Variants in LRP1B observed in about 807,000 individuals in gnomAD.
LRP1B encodes low-density lipoprotein receptor-related protein 1B.
Under a neutral mutation model 556.6 loss-of-function variants are expected in LRP1B, and 217 were observed. The ratio of observed to expected loss-of-function variants is 0.39; its 90% CI spans 0.35 to 0.44. LRP1B has a LOEUF of 0.44. LRP1B is among the 20% of genes least tolerant of loss of function. The pLI is 1.00. For missense variants in LRP1B, 5,053 were observed against 5,620.8 expected, an observed-to-expected ratio of 0.90 and a Z score of 3.23; for synonymous variants, 2,047 against 1,865.8, an observed-to-expected ratio of 1.10 and a Z score of -2.50.
chr2:140,634,876 A>G (rs1042992678), intron 41 of LRP1B, among the ~76,000 whole-genome samples: 4 of 152,132 alleles, frequency 2.6e-5, no homozygotes, highest in Non-Finnish European at 5.9e-5. Flanking sequence ...TGTATCCTGG[A>G]TGGAATCCTG....
rs140013135 is a variant in LRP1B, at chr2:142,014,019, A to G, written c.82+116629T>C. 1.5e-3 allele frequency among the ~76,000 whole-genome samples: 234 copies of G among 152,318 alleles called. 1 individual carries two copies. The highest frequency in any genetic ancestry group is 5.4e-3 in the African/African-American group (224 of 41,562). On this transcript the variant is annotated intron_variant, in intron 1 of 90. Transcript: ENST00000389484. ...ATAATAATGTTGATTCTTGCAATAT[A>G]TAGTAATTAAGAAAATTAATCCTTT...
chr2:140,428,519 C>A (rs945643354), intron 66 of LRP1B, among the ~76,000 whole-genome samples: 8 of 152,162 alleles, frequency 5.3e-5, no homozygotes, highest in Non-Finnish European at 7.3e-5. Flanking sequence ...TCGGACTGTT[C>A]AACTCACCTG....
intron 63 of LRP1B, among the ~76,000 whole-genome samples, chr2:140,450,266 T>C (rs1686830371): frequency 6.6e-6 from 1 of 152,142 alleles, no homozygotes; most frequent in African/African-American, 2.4e-5. Flanking sequence ...TAATGATGCT[T>C]ATTACCCTAC....
intron 1 of LRP1B, among the ~76,000 whole-genome samples, chr2:141,936,474 G>A (rs1700638795): frequency 6.6e-6 from 1 of 152,170 alleles, no homozygotes; most frequent in African/African-American, 2.4e-5. Context: ...AGGAAAGCAT[G>A]AGAATGTGCC....
chr2:141,532,313 G>A (rs538769684), intron 2 of LRP1B, among the ~76,000 whole-genome samples: 12 of 134,538 alleles, frequency 8.9e-5, no homozygotes, highest in African/African-American at 2.8e-4. Context: ...GTATTACATT[G>A]TATGAACTTA....
Position 141,007,329 on chromosome 2 carries a change from G to T in LRP1B, c.2381-1872C>A, listed in dbSNP as rs994446928. On this transcript the variant is annotated intron_variant, in intron 14 of 90. Coordinates refer to ENST00000389484, the MANE Select transcript of LRP1B (RefSeq NM_018557.3). ...GTTATCATTGAGTGCCCGTAGATCA[G>T]AACAAATGACCTAAAGTATATTATC... 3.3e-5 allele frequency among the ~76,000 whole-genome samples: 5 copies of T among 151,624 alleles called. No homozygotes were observed. The South Asian group carries it at 1.0e-3, about 31-fold the overall frequency.
chr2:140,631,273 C>T (rs992824102), intron 41 of LRP1B, among the ~76,000 whole-genome samples: 2 of 152,118 alleles, frequency 1.3e-5, no homozygotes, highest in African/African-American at 4.8e-5. Context: ...ATTTGCATGA[C>T]ATGCTAAAAG....
At chr2:140,543,102 G>A (rs1009911708) in intron 43 of LRP1B, among the ~76,000 whole-genome samples, 2 of 152,166 alleles carry the variant, frequency 1.3e-5, no homozygotes, top group East Asian at 1.9e-4. Flanking sequence ...CTAACAAATC[G>A]TAAAAGCCAA....
intron 1 of LRP1B, among the ~76,000 whole-genome samples, chr2:141,942,352 C>T (rs1700834182): frequency 1.3e-5 from 2 of 151,122 alleles, no homozygotes; most frequent in East Asian, 2.0e-4. Flanking sequence ...TGAAGCCAAC[C>T]TTTTTATTGG....
intron 43 of LRP1B, among the ~76,000 whole-genome samples, chr2:140,545,966 A>G (rs181050773): frequency 6.6e-6 from 1 of 150,426 alleles, no homozygotes; most frequent in East Asian, 2.0e-4. Context: ...CCTTGCAGAG[A>G]TCTTTCACCT....
chr2:140,490,851 C>G (rs1413803013), intron 57 of LRP1B, among the ~76,000 whole-genome samples: 1 of 152,048 alleles, frequency 6.6e-6, no homozygotes, highest in African/African-American at 2.4e-5. Context: ...TAGGTGTGTT[C>G]AGATCCTTCA....
intron 88 of LRP1B, 128 bp downstream of exon 88, chr2:140,239,314 G>GA: frequency 1.8e-6 from 1 of 550,692 alleles, no homozygotes; most frequent in Non-Finnish European, 3.2e-6. Context: ...AAAATGATTT[G>GA]AAAAACATTG....
chr2:140,364,493 C>T (rs967627804), intron 72 of LRP1B, among the ~76,000 whole-genome samples, 168 bp downstream of exon 72: 10 of 151,678 alleles, frequency 6.6e-5, no homozygotes, highest in South Asian at 2.1e-4. Flanking sequence ...ACTTCGGAAC[C>T]GGATTATCCC....
chr2:141,244,220 G>A (rs113434891), intron 5 of LRP1B, among the ~76,000 whole-genome samples: 3,408 of 152,260 alleles, frequency 0.022, 69 homozygotes, highest in Non-Finnish European at 0.036. Context: ...TACTGTCTTT[G>A]CAAAATCATA....
At chr2:141,018,358 C>T (rs1697967243) in intron 12 of LRP1B, among the ~76,000 whole-genome samples, 1 of 151,974 alleles carries the variant, frequency 6.6e-6, no homozygotes, top group South Asian at 2.1e-4. Context: ...TATATAGGGA[C>T]AGTTGGTAGG....
chr2:140,746,294 T>C (rs915320358), intron 35 of LRP1B, among the ~76,000 whole-genome samples: 12 of 152,170 alleles, frequency 7.9e-5, no homozygotes, highest in African/African-American at 2.7e-4. Context: ...TTGGCAAGAA[T>C]ACAATAAATT....
chr2:141,175,710 C>A (rs1484222522), intron 7 of LRP1B, among the ~76,000 whole-genome samples: 1 of 152,128 alleles, frequency 6.6e-6, no homozygotes, highest in Non-Finnish European at 1.5e-5. Context: ...CACTGGGGCA[C>A]TCCCTAGTGG....
At chr2:140,495,450 G>A (rs1688880597) in intron 56 of LRP1B, 115 bp downstream of exon 56, 1 of 886,316 alleles carries the variant, frequency 1.1e-6, no homozygotes, top group African/African-American at 1.6e-5. Context: ...AAGTAGAGAA[G>A]AATTTTGATT....
intron 43 of LRP1B, among the ~76,000 whole-genome samples, chr2:140,545,773 CT>C (rs201203685): frequency 1.2e-4 from 18 of 151,768 alleles, no homozygotes; most frequent in Non-Finnish European, 2.4e-4. Context: ...ATTTTAAAAC[CT>C]TTTTTTTCTA....
Sources: allele counts gnomAD v4.1 joint callset (sites outside exome capture counted in the v4.1 genomes callset), GRCh38; gene constraint gnomAD v4.1.1; transcripts MANE v1.5; gene names NCBI Gene and HGNC (gene_info 2026-07-23, HGNC 2026-07-21).